Variants in DLG2 observed in about 807,000 individuals in gnomAD.
The protein encoded by DLG2 is discs large MAGUK scaffold protein 2, also known as disks large homolog 2.
A neutral mutation model predicts 132.5 loss-of-function variants in DLG2; 45 were observed. The observed-to-expected ratio is 0.34, with a 90% CI of 0.27 to 0.44. The LOEUF is 0.44. DLG2 is among the 20% of genes least tolerant of loss of function. The pLI is 1.00. For missense variants in DLG2, 1,045 were observed against 1,196.9 expected (o/e 0.87, Z 1.87); for synonymous variants, 424 against 419.6 (o/e 1.01, Z -0.13).
intron 6 of DLG2, among the ~76,000 whole-genome samples, chr11:84,756,523 T>C (rs1385443900): frequency 2.0e-5 from 3 of 152,210 alleles, no homozygotes; most frequent in East Asian, 1.9e-4. Context: ...GTGTGTTCAA[T>C]TGGGTAAATT....
At chr11:83,903,582 A>G (rs12281403) in intron 15 of DLG2, among the ~76,000 whole-genome samples, 14,667 of 152,224 alleles carry the variant, frequency 0.096, 841 homozygotes, top group Middle Eastern at 0.2. Context: ...GGCTAAAAAT[A>G]TTCCTTTATT....
At chr11:83,618,062 G>T (rs1173480196) in intron 19 of DLG2, among the ~76,000 whole-genome samples, 1 of 152,080 alleles carries the variant, frequency 6.6e-6, no homozygotes, top group East Asian at 1.9e-4. Flanking sequence ...CGTTTTCTAA[G>T]AACTTTTGTT....
At chr11:85,224,113 C>T (rs2074830804) in intron 4 of DLG2, among the ~76,000 whole-genome samples, 1 of 152,110 alleles carries the variant, frequency 6.6e-6, no homozygotes, top group Admixed American at 6.5e-5. Flanking sequence ...CTATATAAAA[C>T]ATTTAGAATA....
At chr11:83,561,971 C>T (rs900349364) in intron 19 of DLG2, among the ~76,000 whole-genome samples, 1 of 144,618 alleles carries the variant, frequency 6.9e-6, no homozygotes. Context: ...TTACTGCAAC[C>T]TTCACCTCCC....
intron 3 of DLG2, among the ~76,000 whole-genome samples, chr11:85,322,800 T>A (rs1397523763): frequency 6.6e-6 from 1 of 152,122 alleles, no homozygotes; most frequent in Non-Finnish European, 1.5e-5. Flanking sequence ...AGTCTATAGA[T>A]CCTATATAAT....
chr11:83,772,716 T>A (rs1437610088), intron 18 of DLG2, among the ~76,000 whole-genome samples: 2 of 152,192 alleles, frequency 1.3e-5, no homozygotes, highest in African/African-American at 4.8e-5. Flanking sequence ...AACTAAGAAA[T>A]CACAATGTTT....
intron 6 of DLG2, among the ~76,000 whole-genome samples, chr11:84,669,178 G>A (rs1433091708): frequency 6.6e-6 from 1 of 152,044 alleles, no homozygotes; most frequent in East Asian, 1.9e-4. Context: ...GGAATAAAAG[G>A]GGAGTTGGGG....
At chr11:84,965,978 T>A (rs1030705844) in intron 6 of DLG2, among the ~76,000 whole-genome samples, 1 of 152,088 alleles carries the variant, frequency 6.6e-6, no homozygotes, top group Non-Finnish European at 1.5e-5. Flanking sequence ...ACTTCCAAAC[T>A]GGGATAATAT....
chr11:85,454,583 A>C (rs1161012353), intron 3 of DLG2, among the ~76,000 whole-genome samples: 1 of 152,022 alleles, frequency 6.6e-6, no homozygotes, highest in Non-Finnish European at 1.5e-5. Flanking sequence ...TGCTTTTGGC[A>C]TCATTGTCAT....
chr11:85,338,965 T>G (rs889164272), intron 3 of DLG2, among the ~76,000 whole-genome samples: 3 of 152,196 alleles, frequency 2.0e-5, no homozygotes, highest in Admixed American at 6.5e-5. Context: ...GTGCTGGGAT[T>G]ACAGGGGTGA....
At chr11:85,448,139 T>C (rs1413133961) in intron 3 of DLG2, among the ~76,000 whole-genome samples, 1 of 152,196 alleles carries the variant, frequency 6.6e-6, no homozygotes, top group Non-Finnish European at 1.5e-5. Flanking sequence ...ATTTTTATAC[T>C]TGAAAGTACC....
intron 7 of DLG2, among the ~76,000 whole-genome samples, chr11:84,388,695 A>T (rs2098781035): frequency 6.6e-6 from 1 of 151,956 alleles, no homozygotes; most frequent in Non-Finnish European, 1.5e-5. Flanking sequence ...GGAGCATGTG[A>T]TAAATGTGAT....
At chr11:83,659,549 G>A (rs754294246) in intron 18 of DLG2, among the ~76,000 whole-genome samples, 2 of 152,232 alleles carry the variant, frequency 1.3e-5, no homozygotes, top group Non-Finnish European at 2.9e-5. Context: ...GGTTTGGCCT[G>A]TAAGGTTTTC....
intron 7 of DLG2, among the ~76,000 whole-genome samples, chr11:84,298,875 C>T (rs7933193): frequency 0.34 from 51,189 of 152,032 alleles, 9,531 homozygotes; most frequent in East Asian, 0.51. Flanking sequence ...CAGAACACAA[C>T]AGTAGTGGTT....
At chr11:83,849,343 C>A (rs1516620) in intron 16 of DLG2, among the ~76,000 whole-genome samples, 2 of 148,270 alleles carry the variant, frequency 1.3e-5, no homozygotes, top group African/African-American at 4.9e-5. Context: ...AAATAATAAA[C>A]AAATAAAAAA....
intron 17 of DLG2, among the ~76,000 whole-genome samples, chr11:83,808,941 C>T (rs1425966540): frequency 6.6e-6 from 1 of 152,122 alleles, no homozygotes; most frequent in African/African-American, 2.4e-5. Flanking sequence ...TTCACTTCTT[C>T]CTTCCTTACC....
At chr11:84,484,322 T>C (rs552988736) in intron 7 of DLG2, among the ~76,000 whole-genome samples, 2 of 152,276 alleles carry the variant, frequency 1.3e-5, no homozygotes, top group South Asian at 2.1e-4. Context: ...ACACCCTCTA[T>C]CATCTTGAGC....
intron 18 of DLG2, among the ~76,000 whole-genome samples, chr11:83,743,996 C>T (rs745879186): frequency 3.2e-4 from 48 of 152,132 alleles, no homozygotes; most frequent in Non-Finnish European, 5.3e-4. Flanking sequence ...CTCAGACTCC[C>T]TTGCAGCTAG....
At chr11:84,838,387 A>G (rs2080104190) in intron 6 of DLG2, among the ~76,000 whole-genome samples, 1 of 121,086 alleles carries the variant, frequency 8.3e-6, no homozygotes, top group African/African-American at 3.1e-5. Context: ...GAAGCACAAG[A>G]CAGATTGAAT....
Sources: allele counts gnomAD v4.1 joint callset (sites outside exome capture counted in the v4.1 genomes callset), GRCh38; gene constraint gnomAD v4.1.1; transcripts MANE v1.5; gene names NCBI Gene and HGNC (gene_info 2026-07-23, HGNC 2026-07-21).